The following CDCA8 variants were observed in gnomAD, a reference collection of about 807,000 sequenced individuals.
CDCA8 encodes the protein borealin.
In CDCA8, 25 loss-of-function variants were observed where a neutral mutation model predicts 40.0. That is an observed-to-expected ratio of 0.63 (90% CI 0.46 to 0.87). CDCA8 has a LOEUF of 0.87. Ranked by LOEUF, CDCA8 falls within the 40% of genes least tolerant of loss-of-function variation. The probability of loss-of-function intolerance (pLI) is 0.00; values close to 1 mark genes in which losing one functional copy is unlikely to be tolerated. For missense variants in CDCA8, 280 were observed against 348.4 expected (o/e 0.80, Z 1.56); for synonymous variants, 111 against 126.5 (o/e 0.88, Z 0.82).
Position 37,692,563 on chromosome 1 carries a change from T to C in CDCA8, c.-128T>C, listed in dbSNP as rs1214291530. ...GCACAGCGAGGTTTTGCTCAGCCCT[T>C]GTCTCGGGACCGCAGGTACGTGCCT... On this transcript the variant is annotated 5_prime_UTR_variant, in exon 1 of 10. Transcript: ENST00000373055. The C allele has an allele frequency of 1.4e-6, 1 of 735,428 alleles. No homozygotes were observed. Among genetic ancestry groups the C allele is most frequent in the Non-Finnish European group, 2.4e-6 (1 of 416,708 alleles). 45.6% of individuals were successfully genotyped at this position (735,428 alleles called of 1,614,324 possible). A position where few individuals can be genotyped will look rare whatever the true frequency, so the allele number is the denominator to read the frequency against.
At chr1:37,700,614 T>A in intron 5 of CDCA8, 93 bp downstream of exon 5, 1 of 778,048 alleles carries the variant, frequency 1.3e-6, no homozygotes, top group Admixed American at 1.9e-5. Context: ...GAGCTCACAG[T>A]TTAGTAGAGA....
intron 4 of CDCA8, among the ~76,000 whole-genome samples, chr1:37,699,606 GAAAGGAAAGGAAAGGAA>G (rs1645549986): frequency 7.0e-6 from 1 of 142,314 alleles, no homozygotes; most frequent in Admixed American, 7.1e-5. Flanking sequence ...GAAAGGAAAG[GAAAGGAAAGGAAAGGAA>G]AAAAAAAGTT....
intron 4 of CDCA8, 59 bp downstream of exon 4, chr1:37,699,036 T>A: frequency 8.3e-7 from 1 of 1,203,304 alleles, no homozygotes; most frequent in Non-Finnish European, 1.2e-6. Flanking sequence ...GGTTGCTTGG[T>A]TGGCTGCTCA....
At chr1:37,704,895 C>T (rs182133735) in intron 7 of CDCA8, among the ~76,000 whole-genome samples, 1 of 151,942 alleles carries the variant, frequency 6.6e-6, no homozygotes, top group Admixed American at 6.6e-5. Context: ...TGATCCACCC[C>T]CCTCGGCCTC....
intron 4 of CDCA8, among the ~76,000 whole-genome samples, chr1:37,699,844 C>T (rs532377403): frequency 2.0e-5 from 3 of 151,808 alleles, no homozygotes; most frequent in Non-Finnish European, 2.9e-5. Context: ...GGCGTGAACC[C>T]GGGAGGTGGA....
intron 3 of CDCA8, among the ~76,000 whole-genome samples, chr1:37,697,815 C>T (rs1645537867): frequency 6.6e-6 from 1 of 152,232 alleles, no homozygotes; most frequent in Non-Finnish European, 1.5e-5. Flanking sequence ...TGCATCAAGC[C>T]TGGCAAACAT....
At position 37,705,517 on chromosome 1, in the gene CDCA8, C is replaced by G; in HGVS notation, c.661C>G (p.Leu221Val). ...CAACATCTCAGGGAATGGCAGCCCT[C>G]TTGCTGACAGCAAAGAGATCTTCCT... ...IYNISGNGSP[L>V]ADSKEIFLTV... The change falls in exon 8 of 10, where the codon CTT becomes GTT. Residue 221 changes from leucine (L) to valine (V), a missense_variant. Coordinates refer to ENST00000373055, the MANE Select transcript of CDCA8 (RefSeq NM_001256875.2). 8.7e-6 allele frequency: 14 copies of G among 1,613,924 alleles called. No individual in the cohort carries two copies. Among genetic ancestry groups the G allele is most frequent in the Non-Finnish European group, 1.2e-5 (14 of 1,180,040 alleles).
intron 3 of CDCA8, among the ~76,000 whole-genome samples, chr1:37,697,669 G>T (rs141848879): frequency 6.6e-6 from 1 of 152,248 alleles, no homozygotes; most frequent in Non-Finnish European, 1.5e-5. Flanking sequence ...CTTTCTATGT[G>T]TATCAGTCTC....
At chr1:37,699,982 T>G (rs1645553294) in intron 4 of CDCA8, among the ~76,000 whole-genome samples, 1 of 152,098 alleles carries the variant, frequency 6.6e-6, no homozygotes, top group South Asian at 2.1e-4. Context: ...TACATACATG[T>G]CCCGCACTCT....
At position 37,705,435 on chromosome 1, in the gene CDCA8, T is replaced by C. The variant is rs1645591757; in HGVS notation, c.585-6T>C. On this transcript the variant is annotated splice_region_variant and splice_polypyrimidine_tract_variant and intron_variant, in intron 7 of 9. Coordinates refer to ENST00000373055, the MANE Select transcript of CDCA8 (RefSeq NM_001256875.2). ...AGCTATCTTCACAGAGATTTTCCCA[T>C]TCTAGGGTCTTCAAGACCCCTGGCC... 1 of 1,612,918 alleles carries C rather than the reference T, an allele frequency of 6.2e-7. No individual in the cohort carries two copies. The highest frequency in any genetic ancestry group is 8.5e-7 in the Non-Finnish European group (1 of 1,179,040).
At chr1:37,703,428 C>T in intron 7 of CDCA8, 81 bp downstream of exon 7, 1 of 1,078,874 alleles carries the variant, frequency 9.3e-7, no homozygotes, top group Non-Finnish European at 1.4e-6. Context: ...TAAGAAAATA[C>T]TCCTAGGCCA....
intron 7 of CDCA8, 129 bp downstream of exon 7, chr1:37,703,476 G>C: frequency 1.4e-6 from 1 of 713,738 alleles, no homozygotes; most frequent in Non-Finnish European, 2.5e-6. Flanking sequence ...AGCACTTTGA[G>C]AGGCCGAGGC....
chr1:37,705,466 A>G lies in CDCA8; in HGVS notation c.610A>G (p.Thr204Ala), dbSNP rs1484159679. 6.2e-7 allele frequency: 1 copy of G among 1,613,854 alleles called. No individual in the cohort carries two copies. Among genetic ancestry groups the G allele is most frequent in the Non-Finnish European group, 8.5e-7 (1 of 1,179,864 alleles). The change falls in exon 8 of 10, where the codon ACT (threonine) becomes GCT (alanine). Residue 204 changes from threonine (T) to alanine (A), a missense_variant. Physicochemically the swap from Thr to Ala is moderately conservative, Grantham distance 58 (BLOSUM62 0). Coordinates refer to ENST00000373055, the MANE Select transcript of CDCA8 (RefSeq NM_001256875.2). ...GGTCTTCAAGACCCCTGGCCTGCGT[A>G]CTCCAGCAGCAGGAGAGCGGATTTA... ...SRVFKTPGLR[T>A]PAAGERIYNI...
chr1:37,705,941 C>G (rs1356418978), intron 8 of CDCA8, among the ~76,000 whole-genome samples: 1 of 150,908 alleles, frequency 6.6e-6, no homozygotes, highest in Admixed American at 6.6e-5. Flanking sequence ...TCCTGAGTAG[C>G]TGGGACTACA....
At chr1:37,707,925 A>C (rs531454) in intron 9 of CDCA8, among the ~76,000 whole-genome samples, 4 of 152,150 alleles carry the variant, frequency 2.6e-5, no homozygotes, top group Non-Finnish European at 4.4e-5. Flanking sequence ...GTGGTGGATG[A>C]AGCACTTAGT....
At position 37,709,654 on chromosome 1, in the gene CDCA8, C is replaced by CTGAT. The variant is rs1460471192; in HGVS notation, c.*1291_*1294dup. 3 of 152,200 alleles carry CTGAT rather than the reference C, an allele frequency of 2.0e-5. No homozygotes were observed. In the East Asian group the frequency reaches 5.8e-4, roughly 29 times the overall value. 9.4% of individuals were successfully genotyped at this position (152,200 alleles called of 1,614,324 possible). On this transcript the variant is annotated 3_prime_UTR_variant, in exon 10 of 10. Coordinates refer to ENST00000373055, the MANE Select transcript of CDCA8 (RefSeq NM_001256875.2). Reference sequence around the variant, plus strand: ...TGTTCTGAGTAATGGTATCTTTGAGCTGATTGTTCTAATCAGAGCTGGTAC... The same window carrying CTGAT: ...TGTTCTGAGTAATGGTATCTTTGAGCTGATTGATTGTTCTAATCAGAGCTGGTAC...
At chr1:37,702,797 C>CA (rs1199797620) in intron 6 of CDCA8, among the ~76,000 whole-genome samples, 2 of 152,102 alleles carry the variant, frequency 1.3e-5, no homozygotes, top group African/African-American at 4.8e-5. Flanking sequence ...ACTAAAAATA[C>CA]AAAAATTAGC....
chr1:37,704,892 C>CG (rs3838415), intron 7 of CDCA8, among the ~76,000 whole-genome samples: 4 of 128,468 alleles, frequency 3.1e-5, no homozygotes, highest in Admixed American at 1.6e-4. Flanking sequence ...AGGTGATCCA[C>CG]CCCCCTCGGC....
At chr1:37,702,630 A>C (rs887092587) in intron 6 of CDCA8, among the ~76,000 whole-genome samples, 2 of 152,146 alleles carry the variant, frequency 1.3e-5, no homozygotes, top group Non-Finnish European at 2.9e-5. Context: ...GAGCCTTCGC[A>C]TGAAGAGGCT....
Sources: gnomAD v4.1 joint callset for allele counts (sites outside exome capture counted in the v4.1 genomes callset) on GRCh38, gnomAD v4.1.1 for gene constraint, MANE v1.5 for transcripts, NCBI Gene and HGNC (gene_info 2026-07-23, HGNC 2026-07-21) for gene names.